ERI2: variants seen among roughly 807,000 people sequenced by gnomAD.
ERI2 encodes the protein ERI1 exoribonuclease 2.
A neutral mutation model predicts 46.8 loss-of-function variants in ERI2; 35 were observed. The observed-to-expected ratio is 0.75, with a 90% CI of 0.57 to 0.99. The LOEUF (loss-of-function observed/expected upper bound fraction) is 0.99, where lower values mean the gene tolerates loss of function less well. ERI2 is among the 50% of genes least tolerant of loss of function. The pLI, the probability that ERI2 is intolerant of heterozygous loss-of-function variation, is 0.00. For missense variants in ERI2, 695 were observed against 796.2 expected, an observed-to-expected ratio of 0.87 and a Z score of 1.53; for synonymous variants, 224 against 271.0, an observed-to-expected ratio of 0.83 and a Z score of 1.70.
intron 9 of ERI2, chr16:20,789,697 T>G: frequency 1.6e-6 from 1 of 622,298 alleles, no homozygotes; most frequent in Non-Finnish European, 2.8e-6. Flanking sequence ...TTTTTTTTTT[T>G]TTTTTTGAGA....
downstream of ERI2, among the ~76,000 whole-genome samples, chr16:20,792,984 A>G (rs963316636): frequency 1.3e-5 from 2 of 152,172 alleles, no homozygotes; most frequent in African/African-American, 4.8e-5. Context: ...TCTCACAAGT[A>G]TTTCTTCAAG....
In ERI2 at chr16:20,803,493, CAATT is replaced by C. The variant is rs746467404; in HGVS notation, c.111_114del (p.Ile38SerfsTer20). On this transcript the variant is annotated frameshift_variant, in exon 3 of 9. Transcript: ENST00000357967. LOFTEE classifies it high-confidence loss of function. ...CAGCATGTCGATTCAAAATCAATGA[CAATT>C]AAGTAGTCAAACAACTGCTCTGCAA... 40 of 1,613,816 alleles carry C rather than the reference CAATT, an allele frequency of 2.5e-5. No individual in the cohort carries two copies. Among genetic ancestry groups the C allele is most frequent in the Non-Finnish European group, 3.0e-5 (35 of 1,179,898 alleles).
chr16:20,798,146 T>C lies in ERI2; in HGVS notation c.1654A>G (p.Ile552Val). 1 of 1,551,552 alleles carries C rather than the reference T, an allele frequency of 6.4e-7. No homozygotes were observed. The change falls in exon 9 of 9, where the codon ATT (isoleucine) becomes GTT (valine). Residue 552 changes from isoleucine (I) to valine (V), a missense_variant. By Grantham distance (29) the Ile-to-Val change is conservative. Transcript: ENST00000357967. The part of the protein sequence containing the change: ...FPPAKKQPFT[I>V]HEEKPTSSDC... Reference sequence around the variant, plus strand: ...GATGATGTAGGCTTTTCTTCATGAATAGTGAAGGGTTGTTTTTTTGCTGGT... The same window carrying C: ...GATGATGTAGGCTTTTCTTCATGAACAGTGAAGGGTTGTTTTTTTGCTGGT...
intron 3 of ERI2, among the ~76,000 whole-genome samples, chr16:20,803,199 A>AT (rs1203254716): frequency 1.3e-5 from 2 of 152,152 alleles, no homozygotes; most frequent in Non-Finnish European, 2.9e-5. Context: ...TTGCAAAGGC[A>AT]TTTTTTTCAG....
intron 10 of ERI2, among the ~76,000 whole-genome samples, chr16:20,787,203 A>G (rs1227522229): frequency 6.6e-6 from 1 of 152,250 alleles, no homozygotes; most frequent in Non-Finnish European, 1.5e-5. Flanking sequence ...ATAAGTCATC[A>G]TAAGTTGAAA....
At chr16:20,792,064 A>G (rs1451506393), downstream of ERI2, 28 of 1,614,066 alleles carry the variant, frequency 1.7e-5, no homozygotes, top group Non-Finnish European at 2.4e-5. Context: ...GGGACAGAGG[A>G]TATATGGATA....
At chr16:20,802,695 A>G in intron 4 of ERI2, 101 bp downstream of exon 4, 1 of 1,355,994 alleles carries the variant, frequency 7.4e-7, no homozygotes, top group South Asian at 1.7e-5. Flanking sequence ...TACAGGCATA[A>G]GCCATCATGC....
rs2080728777 is a variant in ERI2, at chr16:20,796,585, T to C, written c.*1139A>G. Reference sequence around the variant, plus strand: ...TAATGAATATTTTCTTCACACATGCTGCACCACATGTCCCAAACTGAACTG... The same window carrying C: ...TAATGAATATTTTCTTCACACATGCCGCACCACATGTCCCAAACTGAACTG... On this transcript the variant is annotated 3_prime_UTR_variant, in exon 9 of 9. Coordinates refer to ENST00000357967, the MANE Select transcript of ERI2 (RefSeq NM_001142725.2). 4 of 1,570,588 alleles carry C rather than the reference T, an allele frequency of 2.5e-6. No individual in the cohort carries two copies. Among genetic ancestry groups the C allele is most frequent in the South Asian group, 1.2e-5 (1 of 84,702 alleles).
rs568257675 is a variant in ERI2 at position 20,803,608 on chromosome 16, T to C, written c.86A>G (p.Lys29Arg). The change falls in exon 2 of 9, where the codon AAA (lysine) becomes AGA (arginine). Residue 29 changes from lysine to arginine, a missense_variant. By Grantham distance (26) the Lys-to-Arg change is conservative. Coordinates refer to ENST00000357967, the MANE Select transcript of ERI2 (RefSeq NM_001142725.2). Reference sequence around the variant, plus strand: ...AAACTAAGCATACTACTCACTGGATTTGCTTCTTCCGAGATTTCCATTTGC... The same window carrying C: ...AAACTAAGCATACTACTCACTGGATCTGCTTCTTCCGAGATTTCCATTTGC... ...APANGNLGRS[K>R]SKQLFDYLIV... 3.6e-4 allele frequency: 586 copies of C among 1,614,180 alleles called. 5 individuals are homozygous for C. The South Asian group carries it at 6.2e-3, about 17-fold the overall frequency.
chr16:20,785,428 C>T (rs1005778723), intron 10 of ERI2, among the ~76,000 whole-genome samples: 2 of 152,100 alleles, frequency 1.3e-5, no homozygotes, highest in African/African-American at 4.8e-5. Context: ...TTATTTAGGG[C>T]TGCCTCAAAA....
chr16:20,789,343 T>C (rs2080542320), intron 10 of ERI2: 1 of 684,324 alleles, frequency 1.5e-6, no homozygotes, highest in South Asian at 1.8e-5. Flanking sequence ...AATAGGTACA[T>C]GTCAAGTACT....
At chr16:20,793,572 C>T (rs2080651914), downstream of ERI2, among the ~76,000 whole-genome samples, 2 of 152,174 alleles carry the variant, frequency 1.3e-5, no homozygotes, top group African/African-American at 4.8e-5. Flanking sequence ...CCTAACTGAT[C>T]TTTGATGCCA....
rs1353447858 is a variant in ERI2, at chr16:20,803,633, C to G, written c.61G>C (p.Ala21Pro). The G allele has an allele frequency of 6.2e-7, 1 of 1,614,144 alleles. No individual in the cohort carries two copies. Among genetic ancestry groups the G allele is most frequent in the Admixed American group, 1.7e-5 (1 of 60,020 alleles). ...TTGCTTCTTCCGAGATTTCCATTTGCTGGCGCAATTGACTTTCTCCTAATT... is the reference window on the plus strand; with the variant it reads ...TTGCTTCTTCCGAGATTTCCATTTGGTGGCGCAATTGACTTTCTCCTAATT... The part of the protein sequence containing the change: ...GLIRRKSIAP[A>P]NGNLGRSKSK... Residue 21 changes from alanine (A) to proline (P), a missense_variant, in exon 2 of 9, where the codon GCA (alanine) becomes CCA (proline). Coordinates refer to ENST00000357967, the MANE Select transcript of ERI2 (RefSeq NM_001142725.2).
At position 20,796,531 on chromosome 16, in the gene ERI2, G is replaced by A; in HGVS notation, c.*1193C>T. 1.2e-6 allele frequency: 2 copies of A among 1,601,180 alleles called. No homozygotes were observed. Among genetic ancestry groups the A allele is most frequent in the South Asian group, 1.1e-5 (1 of 88,490 alleles). On this transcript the variant is annotated 3_prime_UTR_variant, in exon 9 of 9. Coordinates refer to ENST00000357967, the MANE Select transcript of ERI2 (RefSeq NM_001142725.2). ...TAACGAATATTTGCTCAGTGTTGTG[G>A]ACAATTTCAAGTGTTTATTTTTACA...
At chr16:20,796,263 C>T, downstream of ERI2, 1 of 1,492,096 alleles carries the variant, frequency 6.7e-7, no homozygotes, top group Non-Finnish European at 8.9e-7. Context: ...TTAAAACACA[C>T]TGGCCCACCC....
intron 4 of ERI2, 77 bp downstream of exon 4, chr16:20,802,719 A>C (rs1567372262): frequency 6.8e-7 from 1 of 1,479,080 alleles, no homozygotes; most frequent in Non-Finnish European, 9.1e-7. Context: ...ACACTAAATA[A>C]ATCTAATTTC....
chr16:20,801,024 A>T lies in ERI2; in HGVS notation c.460+179T>A. ...TTAAGGTATCCCAAAAGGTTAATTT[A>T]AAAAATATGTATTAATTTACTTTTC... On this transcript the variant is annotated intron_variant, in intron 5 of 8. Coordinates refer to ENST00000357967, the MANE Select transcript of ERI2 (RefSeq NM_001142725.2). 4.3e-6 allele frequency: 2 copies of T among 462,816 alleles called. 1 individual carries two copies. Among genetic ancestry groups the T allele is most frequent in the Non-Finnish European group, 7.3e-6 (2 of 275,562 alleles). 28.7% of individuals were successfully genotyped at this position (462,816 alleles called of 1,614,324 possible).
chr16:20,803,833 A>G (rs966231122), intron 1 of ERI2, among the ~76,000 whole-genome samples, 163 bp from the exon 2 acceptor site: 1 of 152,130 alleles, frequency 6.6e-6, no homozygotes, highest in Admixed American at 6.6e-5. Flanking sequence ...TCGAAAGTAC[A>G]TATTTGCAAA....
In ERI2 at chr16:20,790,469, T is replaced by C. The variant is rs1478737923; in HGVS notation, c.815+381A>G. Reference sequence around the variant, plus strand: ...GAGACCTTGTCTCACACACACAAAATTTTTTTTAAGTCTTCATTTTTAAAT... The same window carrying C: ...GAGACCTTGTCTCACACACACAAAACTTTTTTTAAGTCTTCATTTTTAAAT... On this transcript the variant is annotated intron_variant, in intron 9 of 10. Transcript: ENST00000300005. The surrounding 1 kb of genome is among the most constrained non-coding windows in gnomAD (Gnocchi z 4.0). 3.1e-6 allele frequency: 3 copies of C among 962,494 alleles called. No individual in the cohort carries two copies. The highest frequency in any genetic ancestry group is 4.7e-6 in the Non-Finnish European group (3 of 641,980). 59.6% of individuals were successfully genotyped at this position (962,494 alleles called of 1,614,324 possible).
Sources: gnomAD v4.1 joint callset for allele counts (sites outside exome capture counted in the v4.1 genomes callset) on GRCh38, gnomAD v4.1.1 for gene constraint, Gnocchi (gnomAD v3.1) non-coding constraint, MANE v1.5 for transcripts, NCBI Gene and HGNC (gene_info 2026-07-23, HGNC 2026-07-21) for gene names.